Variants in ANKS1B observed in about 807,000 individuals in gnomAD.
ANKS1B encodes the protein ankyrin repeat and sterile alpha motif domain-containing protein 1B.
ANKS1B carries 36 observed loss-of-function variants against 148.3 expected under a neutral mutation model. That is an observed-to-expected ratio of 0.24 (90% CI 0.19 to 0.32). The LOEUF (loss-of-function observed/expected upper bound fraction) is 0.32. Among genes scored for constraint, ANKS1B ranks in the 10% least tolerant of loss-of-function variants. ANKS1B has a pLI of 1.00. For missense variants in ANKS1B, 1,157 were observed against 1,542.6 expected (o/e 0.75, Z 4.19); for synonymous variants, 542 against 560.8 (o/e 0.97, Z 0.47).
chr12:99,980,077 T>C (rs2095677235), intron 1 of ANKS1B, among the ~76,000 whole-genome samples: 1 of 149,204 alleles, frequency 6.7e-6, no homozygotes, highest in Non-Finnish European at 1.5e-5. Flanking sequence ...ACAAATCAGA[T>C]AAAAAGGAAC....
intron 17 of ANKS1B, among the ~76,000 whole-genome samples, chr12:98,845,690 T>C (rs924166310): frequency 1.6e-4 from 24 of 152,000 alleles, no homozygotes; most frequent in Admixed American, 8.5e-4. Context: ...TAAAAATCTC[T>C]GTCAGTCAGT....
intron 8 of ANKS1B, among the ~76,000 whole-genome samples, chr12:99,737,091 T>C (rs2059681027): frequency 1.3e-5 from 2 of 152,154 alleles, no homozygotes; most frequent in Non-Finnish European, 2.9e-5. Context: ...GATAAAAATG[T>C]AAATTAGTAC....
At chr12:99,615,174 CACAGACAGACAGACAG>C (rs35569353) in intron 9 of ANKS1B, among the ~76,000 whole-genome samples, 11 of 151,518 alleles carry the variant, frequency 7.3e-5, no homozygotes, top group Admixed American at 5.3e-4. Flanking sequence ...AGATAGATTA[CACAGACAGACAGACAG>C]ACAGACAGAC....
At chr12:99,717,560 C>T (rs1395230027) in intron 8 of ANKS1B, among the ~76,000 whole-genome samples, 1 of 152,190 alleles carries the variant, frequency 6.6e-6, no homozygotes, top group Non-Finnish European at 1.5e-5. Flanking sequence ...GAAAATTGGA[C>T]TGTTCAACTC....
chr12:98,938,338 C>A (rs1331065542), intron 17 of ANKS1B, among the ~76,000 whole-genome samples: 2 of 152,088 alleles, frequency 1.3e-5, no homozygotes, highest in African/African-American at 4.8e-5. Context: ...GCAAAACAAT[C>A]CTAATTGACA....
At chr12:98,860,485 C>T (rs2099593541) in intron 17 of ANKS1B, among the ~76,000 whole-genome samples, 1 of 152,056 alleles carries the variant, frequency 6.6e-6, no homozygotes, top group Non-Finnish European at 1.5e-5. Flanking sequence ...CCAAAATATG[C>T]ACAAAATTAG....
intron 12 of ANKS1B, among the ~76,000 whole-genome samples, chr12:99,268,287 A>G (rs2076664354): frequency 6.6e-6 from 1 of 152,216 alleles, no homozygotes. Flanking sequence ...GTTTTTCTGA[A>G]CACTACTAGA....
At chr12:99,219,798 T>C (rs960998348) in intron 14 of ANKS1B, among the ~76,000 whole-genome samples, 1 of 152,178 alleles carries the variant, frequency 6.6e-6, no homozygotes, top group African/African-American at 2.4e-5. Context: ...TGAGCATAGC[T>C]GTTAGCTAGA....
intron 14 of ANKS1B, among the ~76,000 whole-genome samples, chr12:99,167,303 A>T (rs1020554505): frequency 6.6e-6 from 1 of 152,114 alleles, no homozygotes; most frequent in Non-Finnish European, 1.5e-5. Context: ...TGAAAAACAA[A>T]ATGCTGATTA....
At chr12:99,578,750 T>C (rs1298531537) in intron 9 of ANKS1B, among the ~76,000 whole-genome samples, 1 of 152,112 alleles carries the variant, frequency 6.6e-6, no homozygotes, top group Non-Finnish European at 1.5e-5. Context: ...GAAGAATCAA[T>C]ATCATTAAAA....
intron 17 of ANKS1B, among the ~76,000 whole-genome samples, chr12:99,037,427 C>A (rs1441021369): frequency 1.3e-5 from 2 of 151,886 alleles, no homozygotes; most frequent in East Asian, 3.9e-4. Context: ...GAGGCTTGAA[C>A]CTGGGAGGCA....
chr12:99,256,249 C>CAAAAAAAA, intron 12 of ANKS1B, among the ~76,000 whole-genome samples: 1 of 74,520 alleles, frequency 1.3e-5, no homozygotes, highest in Non-Finnish European at 2.7e-5. Flanking sequence ...AACTCCATCT[C>CAAAAAAAA]AAAAAAAAAA....
At chr12:99,533,560 C>T (rs1258624480) in intron 9 of ANKS1B, among the ~76,000 whole-genome samples, 2 of 152,242 alleles carry the variant, frequency 1.3e-5, no homozygotes, top group South Asian at 4.1e-4. Flanking sequence ...CTAAGACTTC[C>T]AGTACTGTGC....
chr12:99,561,946 G>A (rs1406885993), intron 9 of ANKS1B, among the ~76,000 whole-genome samples: 2 of 152,098 alleles, frequency 1.3e-5, no homozygotes, highest in African/African-American at 4.8e-5. Flanking sequence ...ATTATCTATG[G>A]CAGCTATAGT....
intron 12 of ANKS1B, among the ~76,000 whole-genome samples, chr12:99,315,368 A>T (rs1050256058): frequency 6.6e-6 from 1 of 152,156 alleles, no homozygotes; most frequent in African/African-American, 2.4e-5. Context: ...CAAATCTACA[A>T]GAAAAAAACA....
At chr12:99,251,427 T>G (rs1363217002) in intron 12 of ANKS1B, among the ~76,000 whole-genome samples, 2 of 152,238 alleles carry the variant, frequency 1.3e-5, no homozygotes, top group African/African-American at 4.8e-5. Context: ...TTGTGTTTTC[T>G]TACCCTTTCT....
chr12:98,782,104 C>G (rs776765592), intron 23 of ANKS1B, 22 bp downstream of exon 23: 2 of 1,591,568 alleles, frequency 1.3e-6, no homozygotes, highest in South Asian at 2.3e-5. Flanking sequence ...AATAATCACA[C>G]TAAACATCAA....
At chr12:99,084,016 G>A (rs1319789525) in intron 16 of ANKS1B, 1 of 152,160 alleles carries the variant, frequency 6.6e-6, no homozygotes, top group Non-Finnish European at 1.5e-5. Context: ...CTGGAAACAG[G>A]AGGTCAACTC....
intron 1 of ANKS1B, among the ~76,000 whole-genome samples, chr12:99,827,393 C>T (rs1475769248): frequency 2.0e-5 from 3 of 150,686 alleles, no homozygotes; most frequent in East Asian, 1.9e-4. Context: ...GGGAGTAGAA[C>T]GGGGGAAATA....
Sources: gnomAD v4.1 joint callset for allele counts (sites outside exome capture counted in the v4.1 genomes callset) on GRCh38, gnomAD v4.1.1 for gene constraint, MANE v1.5 for transcripts, NCBI Gene and HGNC (gene_info 2026-07-23, HGNC 2026-07-21) for gene names.